Variants in EXOC4 observed in about 807,000 individuals in gnomAD.
EXOC4 encodes exocyst complex component 4.
Under a neutral mutation model 107.2 loss-of-function variants are expected in EXOC4, and 71 were observed. That is an observed-to-expected ratio of 0.66 (90% CI 0.55 to 0.81). The LOEUF (loss-of-function observed/expected upper bound fraction) is 0.81. Among genes scored for constraint, EXOC4 ranks in the 30% least tolerant of loss-of-function variants. The pLI is 0.00. For synonymous variants in EXOC4, 456 were observed against 441.2 expected (o/e 1.03, Z -0.42); for missense variants, 1,108 against 1,189.6 (o/e 0.93, Z 1.01).
At chr7:133,943,801 TA>T (rs1475880427) in intron 14 of EXOC4, among the ~76,000 whole-genome samples, 3 of 152,132 alleles carry the variant, frequency 2.0e-5, no homozygotes, top group Non-Finnish European at 4.4e-5. Flanking sequence ...TCAGCCAATA[TA>T]AAATAACCAT....
chr7:133,392,341 A>G (rs561404379), intron 7 of EXOC4, among the ~76,000 whole-genome samples: 2 of 152,272 alleles, frequency 1.3e-5, no homozygotes, highest in Non-Finnish European at 2.9e-5. Flanking sequence ...CTAAAAATGG[A>G]GCTTCATTGC....
At chr7:134,057,482 A>G (rs1330393214) in intron 17 of EXOC4, among the ~76,000 whole-genome samples, 1 of 152,202 alleles carries the variant, frequency 6.6e-6, no homozygotes, top group African/African-American at 2.4e-5. Flanking sequence ...AATGGAAATA[A>G]CTTCAGCTCA....
At chr7:133,412,290 T>TTTTG (rs1563056008) in intron 7 of EXOC4, among the ~76,000 whole-genome samples, 1 of 147,044 alleles carries the variant, frequency 6.8e-6, no homozygotes, top group Non-Finnish European at 1.5e-5. Context: ...TTTTTTTTTT[T>TTTTG]TTTTTTTTTT....
intron 6 of EXOC4, among the ~76,000 whole-genome samples, chr7:133,357,025 A>G (rs914374919): frequency 2.0e-5 from 3 of 152,228 alleles, no homozygotes; most frequent in African/African-American, 7.2e-5. Flanking sequence ...TTGATTGGTA[A>G]AACAGCTTGA....
chr7:133,714,404 C>T (rs529349127), intron 10 of EXOC4, among the ~76,000 whole-genome samples: 21 of 152,262 alleles, frequency 1.4e-4, no homozygotes, highest in African/African-American at 5.1e-4. Context: ...CCCATTTTAC[C>T]AGAGTGAGAA....
chr7:133,604,283 A>G (rs574192720), intron 9 of EXOC4, among the ~76,000 whole-genome samples: 76 of 152,358 alleles, frequency 5.0e-4, no homozygotes, highest in Non-Finnish European at 9.3e-4. Flanking sequence ...AATAATGATA[A>G]AAGTGTAGTA....
chr7:133,525,280 C>G lies in EXOC4; in HGVS notation c.1417+45142C>G, dbSNP rs545138551. ...GCTGGTAGGCTAATATTTCTAAGGT[C>G]AAACTGATTGCTAGAAATTATTCCT... is the stretch of plus-strand genomic sequence containing the variant. On this transcript the variant is annotated intron_variant, in intron 9 of 17. Coordinates refer to ENST00000253861, the MANE Select transcript of EXOC4 (RefSeq NM_021807.4). Among the ~76,000 whole-genome samples the G allele has an allele frequency of 1.3e-4, 20 of 152,258 alleles. 1 individual carries two copies. Among genetic ancestry groups the G allele is most frequent in the Admixed American group, 8.5e-4 (13 of 15,290 alleles).
intron 11 of EXOC4, among the ~76,000 whole-genome samples, chr7:133,894,092 A>G (rs933655883): frequency 2.2e-5 from 2 of 89,604 alleles, no homozygotes; most frequent in Non-Finnish European, 4.0e-5. Context: ...TGGTCTTTTC[A>G]CATAGTCCCA....
intron 10 of EXOC4, among the ~76,000 whole-genome samples, chr7:133,688,722 G>A (rs971571602): frequency 4.6e-5 from 7 of 152,154 alleles, no homozygotes; most frequent in African/African-American, 7.2e-5. Flanking sequence ...TAGCCCTGTC[G>A]TCTAGGCCTA....
chr7:133,397,564 C>T lies in EXOC4; in HGVS notation c.1182+22562C>T, dbSNP rs149349305. 4.5e-4 allele frequency among the ~76,000 whole-genome samples: 69 copies of T among 152,258 alleles called. 1 individual carries two copies. The East Asian group carries it at 0.013, about 29-fold the overall frequency. ...CTGTGTCATTTTCACAGTACATGCT[C>T]AATAATGTCATAAAGAATTAATATT... On this transcript the variant is annotated intron_variant, in intron 7 of 17. Transcript: ENST00000253861.
Position 133,285,313 on chromosome 7 carries a change from T to C in EXOC4, c.277-3609T>C, listed in dbSNP as rs527460527. Reference sequence around the variant, plus strand: ...TTTCCTGGATCCCTTGTTTCTTCTCTTCTGTTTTCTCTTGTAGTGGTGGAA... The same window carrying C: ...TTTCCTGGATCCCTTGTTTCTTCTCCTCTGTTTTCTCTTGTAGTGGTGGAA... On this transcript the variant is annotated intron_variant, in intron 2 of 17. Coordinates refer to ENST00000253861, the MANE Select transcript of EXOC4 (RefSeq NM_021807.4). Among the ~76,000 whole-genome samples the C allele has an allele frequency of 9.8e-5, 15 of 152,356 alleles. No individual in the cohort carries two copies. In the South Asian group the frequency reaches 2.7e-3, roughly 27 times the overall value.
At chr7:133,536,759 A>G (rs1458346403) in intron 9 of EXOC4, among the ~76,000 whole-genome samples, 1 of 151,990 alleles carries the variant, frequency 6.6e-6, no homozygotes, top group Non-Finnish European at 1.5e-5. Context: ...GCTTCGTCAC[A>G]TGTGTGCTCC....
At position 133,786,486 on chromosome 7, in the gene EXOC4, A is replaced by G. The variant is rs75592542; in HGVS notation, c.1515-30839A>G. ...ATCCATGTTGGTGGATCCAGGGTTA[A>G]AGCACGGCCCAGAACGTAACTTAGA... is the stretch of plus-strand genomic sequence containing the variant. On this transcript the variant is annotated intron_variant, in intron 10 of 17. Coordinates refer to ENST00000253861, the MANE Select transcript of EXOC4 (RefSeq NM_021807.4). 2.8e-3 allele frequency among the ~76,000 whole-genome samples: 424 copies of G among 152,346 alleles called. 5 individuals are homozygous for G. In the East Asian group the frequency reaches 0.035, roughly 13 times the overall value.
chr7:133,322,825 A>G (rs926838955), intron 5 of EXOC4, among the ~76,000 whole-genome samples: 5 of 152,148 alleles, frequency 3.3e-5, no homozygotes, highest in Non-Finnish European at 7.4e-5. Flanking sequence ...GGCCATTTTC[A>G]CGACATTGAT....
At chr7:133,427,547 A>G (rs1199770869) in intron 7 of EXOC4, among the ~76,000 whole-genome samples, 2 of 152,186 alleles carry the variant, frequency 1.3e-5, no homozygotes, top group Non-Finnish European at 2.9e-5. Flanking sequence ...AGCAGTTTGT[A>G]TCTTGGATTA....
At chr7:133,933,060 C>A (rs77782139) in intron 13 of EXOC4, among the ~76,000 whole-genome samples, 31 of 138,392 alleles carry the variant, frequency 2.2e-4, no homozygotes, top group African/African-American at 7.7e-4. Flanking sequence ...TTTTTTTTTT[C>A]TTTTTTGCTT....
At chr7:133,897,660 A>G (rs1047674781) in intron 12 of EXOC4, among the ~76,000 whole-genome samples, 2 of 152,132 alleles carry the variant, frequency 1.3e-5, no homozygotes, top group East Asian at 1.9e-4. Context: ...TTAAATGTAT[A>G]ATGGAGGGTA....
chr7:133,438,991 TTTAC>T (rs1411912540), intron 7 of EXOC4, among the ~76,000 whole-genome samples: 1 of 152,118 alleles, frequency 6.6e-6, no homozygotes, highest in African/African-American at 2.4e-5. Flanking sequence ...CAGGTTTGGT[TTTAC>T]TTCTGCCTCT....
chr7:133,363,713 T>A (rs758954807), intron 6 of EXOC4, among the ~76,000 whole-genome samples: 23 of 152,198 alleles, frequency 1.5e-4, no homozygotes, highest in Admixed American at 3.9e-4. Flanking sequence ...AGACAATCTG[T>A]TTCATGGACT....
Sources: allele counts gnomAD v4.1 joint callset (sites outside exome capture counted in the v4.1 genomes callset), GRCh38; gene constraint gnomAD v4.1.1; transcripts MANE v1.5; gene names NCBI Gene and HGNC (gene_info 2026-07-23, HGNC 2026-07-21).